The following GHR variants were observed in gnomAD, a reference collection of about 807,000 sequenced individuals.
GHR encodes growth hormone receptor.
Under a neutral mutation model 67.1 loss-of-function variants are expected in GHR, and 35 were observed. That is an observed-to-expected ratio of 0.52 (90% confidence interval 0.40 to 0.69). The LOEUF is 0.69. Among genes scored for constraint, GHR ranks in the 30% least tolerant of loss-of-function variants. The pLI is 0.00. For synonymous variants in GHR, 272 were observed against 269.1 expected, an observed-to-expected ratio of 1.01 and a Z score of -0.10; for missense variants, 792 against 764.6, an observed-to-expected ratio of 1.04 and a Z score of -0.42.
At chr5:42,521,618 C>T (rs1335679416) in intron 1 of GHR, among the ~76,000 whole-genome samples, 1 of 152,140 alleles carries the variant, frequency 6.6e-6, no homozygotes, top group Non-Finnish European at 1.5e-5. Flanking sequence ...CCAAAGAGCC[C>T]ATCTACTTAA....
intron 7 of GHR, 58 bp from the exon 8 acceptor site, chr5:42,713,371 G>A (rs199982902): frequency 1.5e-5 from 4 of 259,496 alleles, no homozygotes; most frequent in African/African-American, 1.3e-4. Flanking sequence ...AAAGGGAAAT[G>A]TAAACTGTGC....
At chr5:42,576,065 A>AAAAT (rs1561135424) in intron 2 of GHR, among the ~76,000 whole-genome samples, 41 of 80,656 alleles carry the variant, frequency 5.1e-4, no homozygotes, top group African/African-American at 2.7e-3. Flanking sequence ...AAAATAAAAT[A>AAAAT]AAATAAAATA....
At chr5:42,458,346 C>G (rs1744346474) in intron 1 of GHR, among the ~76,000 whole-genome samples, 1 of 152,064 alleles carries the variant, frequency 6.6e-6, no homozygotes, top group African/African-American at 2.4e-5. Context: ...ACAATCTGAT[C>G]TTTGATAAAG....
chr5:42,636,184 T>C (rs1257386367), intron 3 of GHR, among the ~76,000 whole-genome samples: 4 of 122,142 alleles, frequency 3.3e-5, no homozygotes, highest in Non-Finnish European at 4.7e-5. Context: ...GACTCCAGCC[T>C]GGGCGACAGA....
At position 42,467,691 on chromosome 5, in the gene GHR, G is replaced by A. The variant is rs750473221; in HGVS notation, c.-12+43736G>A. ...GCACATCGAGCTTTGCACTCTGAAT[G>A]AAGGCCTTCCCACACTCATGACATT... On this transcript the variant is annotated intron_variant, in intron 1 of 9. Coordinates refer to ENST00000230882, the MANE Select transcript of GHR (RefSeq NM_000163.5). 162 of 1,584,672 alleles carry A rather than the reference G, an allele frequency of 1.0e-4. No individual in the cohort carries two copies. In the Middle Eastern group the frequency reaches 2.7e-3, roughly 26 times the overall value.
chr5:42,718,455 A>G lies in GHR; in HGVS notation c.948A>G (p.Glu316=). ...TTCATTTTCTTTCTATTTTCTAGGAAGGAAAATTAGAGGAGGTGAACACAA... is the reference window on the plus strand; with the variant it reads ...TTCATTTTCTTTCTATTTTCTAGGAGGGAAAATTAGAGGAGGTGAACACAA... ...IKGIDPDLLK[E]GKLEEVNTIL... The change falls in exon 10 of 10, where the codon GAA becomes GAG. Residue 316 remains glutamate, a splice_region_variant and synonymous_variant. Coordinates refer to ENST00000230882, the MANE Select transcript of GHR (RefSeq NM_000163.5). 1.2e-6 allele frequency: 2 copies of G among 1,603,790 alleles called. No homozygotes were observed. Among genetic ancestry groups the G allele is most frequent in the Non-Finnish European group, 1.7e-6 (2 of 1,171,038 alleles).
intron 1 of GHR, among the ~76,000 whole-genome samples, chr5:42,434,098 G>T (rs1373267995): frequency 1.3e-5 from 2 of 152,140 alleles, no homozygotes; most frequent in Admixed American, 1.3e-4. Flanking sequence ...GCCTATTAAA[G>T]ATGCCAACAA....
intron 1 of GHR, among the ~76,000 whole-genome samples, chr5:42,527,486 C>T (rs768648779): frequency 6.6e-5 from 10 of 152,014 alleles, no homozygotes; most frequent in Non-Finnish European, 1.5e-5. Flanking sequence ...TAATGGTAAA[C>T]GGTTCAATTC....
At chr5:42,582,617 G>C (rs555254023) in intron 2 of GHR, among the ~76,000 whole-genome samples, 1 of 152,152 alleles carries the variant, frequency 6.6e-6, no homozygotes, top group African/African-American at 2.4e-5. Flanking sequence ...GCTGTAACAC[G>C]AACAGGGCTG....
intron 3 of GHR, among the ~76,000 whole-genome samples, chr5:42,640,720 T>A (rs959399766): frequency 6.6e-6 from 1 of 152,226 alleles, no homozygotes. Flanking sequence ...AAATATTCAG[T>A]GTTTCATATA....
At chr5:42,465,920 G>T in intron 1 of GHR, 1 of 704,476 alleles carries the variant, frequency 1.4e-6, no homozygotes, top group Non-Finnish European at 2.6e-6. Flanking sequence ...TTCACAAGGT[G>T]GTCTCCTTTC....
rs772278233 is a variant in GHR, at chr5:42,713,537, T to G, written c.875+18T>G. The G allele has an allele frequency of 1.0e-6, 1 of 1,004,998 alleles. No individual in the cohort carries two copies. The highest frequency in any genetic ancestry group is 1.6e-6 in the Non-Finnish European group (1 of 632,616). 62.3% of individuals were successfully genotyped at this position (1,004,998 alleles called of 1,614,324 possible). On this transcript the variant is annotated intron_variant, in intron 8 of 9. Coordinates refer to ENST00000230882, the MANE Select transcript of GHR (RefSeq NM_000163.5). Reference sequence around the variant, plus strand: ...CAGCAAAGGTAGGTGTGGAGTAGTATTCTTTGGTATTTTGTACCAGTTGTT... The same window carrying G: ...CAGCAAAGGTAGGTGTGGAGTAGTAGTCTTTGGTATTTTGTACCAGTTGTT...
chr5:42,529,916 A>G (rs1747882750), intron 1 of GHR, among the ~76,000 whole-genome samples: 1 of 151,942 alleles, frequency 6.6e-6, no homozygotes. Context: ...TAAATGTAGA[A>G]TTAGCACTAA....
At chr5:42,626,456 T>C (rs1753708154) in intron 2 of GHR, among the ~76,000 whole-genome samples, 2 of 151,970 alleles carry the variant, frequency 1.3e-5, no homozygotes, top group South Asian at 2.1e-4. Flanking sequence ...TGGGTTGGAG[T>C]TGCAGAGTTT....
At chr5:42,536,146 G>T (rs1185808919) in intron 1 of GHR, among the ~76,000 whole-genome samples, 1 of 152,040 alleles carries the variant, frequency 6.6e-6, no homozygotes, top group African/African-American at 2.4e-5. Context: ...CAATTTGGAT[G>T]CTCTTTATTT....
At chr5:42,626,275 A>G (rs959610839) in intron 2 of GHR, among the ~76,000 whole-genome samples, 7 of 152,206 alleles carry the variant, frequency 4.6e-5, no homozygotes, top group Admixed American at 4.6e-4. Flanking sequence ...TCAGATGCCA[A>G]CTGCAAGTAA....
At position 42,550,206 on chromosome 5, in the gene GHR, G is replaced by A. The variant is rs76008113; in HGVS notation, c.-11-15658G>A. ...GAATACTGAAAAAGCCCATTGGACT[G>A]GGGACAGGAGACCTGGTGCTGCTCC... On this transcript the variant is annotated intron_variant, in intron 1 of 9. Transcript: ENST00000230882. 7.8e-3 allele frequency: 2,542 copies of A among 325,990 alleles called. 67 individuals are homozygous for A. Among genetic ancestry groups the A allele is most frequent in the African/African-American group, 0.054 (2,433 of 44,820 alleles). 20.2% of individuals were successfully genotyped at this position (325,990 alleles called of 1,614,324 possible).
At chr5:42,459,268 T>C (rs570747027) in intron 1 of GHR, among the ~76,000 whole-genome samples, 1 of 152,254 alleles carries the variant, frequency 6.6e-6, no homozygotes, top group East Asian at 1.9e-4. Context: ...AAACTAAATG[T>C]CCTTCAATAG....
intron 1 of GHR, among the ~76,000 whole-genome samples, chr5:42,523,709 C>T (rs1025025605): frequency 1.2e-4 from 19 of 152,110 alleles, no homozygotes; most frequent in Admixed American, 3.9e-4. Flanking sequence ...ATGACCTCTA[C>T]GTGTCTGATA....
Sources: allele counts gnomAD v4.1 joint callset (sites outside exome capture counted in the v4.1 genomes callset), GRCh38; gene constraint gnomAD v4.1.1; transcripts MANE v1.5; gene names NCBI Gene and HGNC (gene_info 2026-07-23, HGNC 2026-07-21).